SMAD6: variants seen among roughly 807,000 people sequenced by gnomAD.
SMAD6 encodes SMAD family member 6.
In SMAD6, 103 loss-of-function variants were observed where a neutral mutation model predicts 39.4. The ratio of observed to expected loss-of-function variants is 2.62; its 90% CI spans 2.23 to 3.08. The LOEUF (loss-of-function observed/expected upper bound fraction) is 3.08. SMAD6 is among the 30% of genes most tolerant of loss of function. The pLI is 0.00. For synonymous variants in SMAD6, 445 were observed against 353.3 expected (o/e 1.26, Z -2.91); for missense variants, 1,104 against 742.9 (o/e 1.49, Z -5.65).
At chr15:66,704,473 G>A (rs1019975792) in intron 1 of SMAD6, 1 of 171,316 alleles carries the variant, frequency 5.8e-6, no homozygotes, top group Non-Finnish European at 1.2e-5. Context: ...TCTAGCATTT[G>A]TATGCACGTG....
At chr15:66,778,864 C>T (rs1048010214) in intron 3 of SMAD6, among the ~76,000 whole-genome samples, 1 of 152,216 alleles carries the variant, frequency 6.6e-6, no homozygotes, top group Non-Finnish European at 1.5e-5. Context: ...AGAACGGGCC[C>T]AGCTCGTAGA....
chr15:66,763,009 CTTCT>C (rs1293696400), intron 3 of SMAD6, among the ~76,000 whole-genome samples: 1 of 120,014 alleles, frequency 8.3e-6, no homozygotes, highest in Non-Finnish European at 1.9e-5. Context: ...TTGGGATCCC[CTTCT>C]GAGGCTGCTT....
rs1245654025 is a variant in SMAD6, at chr15:66,781,039, G to T, written c.995G>T (p.Cys332Phe). ...SPDATKPSHW[C>F]SVAYWEHRTR... ...GACGCCACCAAGCCGAGCCACTGGT[G>T]CAGCGTGGCGTACTGGGAGCACCGG... Residue 332 changes from cysteine (C) to phenylalanine (F), a missense_variant, in exon 4 of 4, where the codon TGC becomes TTC. By Grantham distance (205) the Cys-to-Phe change is radical. Transcript: ENST00000288840. 6.3e-7 allele frequency: 1 copy of T among 1,599,880 alleles called. No homozygotes were observed. The highest frequency in any genetic ancestry group is 8.5e-7 in the Non-Finnish European group (1 of 1,177,652).
intron 2 of SMAD6, among the ~76,000 whole-genome samples, chr15:66,712,343 C>G (rs1893248144): frequency 6.6e-6 from 1 of 152,112 alleles, no homozygotes; most frequent in South Asian, 2.1e-4. Context: ...TTCTGTAAAA[C>G]CTTGAGCCTA....
chr15:66,716,483 C>T lies in SMAD6; in HGVS notation c.937C>T (p.Pro313Ser). Residue 313 changes from proline (P) to serine (S), a missense_variant, in exon 3 of 4, where the codon CCG becomes TCG. Transcript: ENST00000288840. ...TEATNSLITA[P>S]GEFSDASMSP... ...GGCTACCAACTCCCTCATCACTGCT[C>T]CGGGTGAATTCTCAGGTCAGCATTT... is the stretch of plus-strand genomic sequence containing the variant. 1 of 1,612,710 alleles carries T rather than the reference C, an allele frequency of 6.2e-7. No individual in the cohort carries two copies. The highest frequency in any genetic ancestry group is 1.1e-5 in the South Asian group (1 of 91,062).
intron 3 of SMAD6, chr15:66,717,682 G>C (rs1017595095): frequency 5.8e-6 from 2 of 343,168 alleles, no homozygotes; most frequent in Non-Finnish European, 1.2e-5. Flanking sequence ...ACAAGAGTAT[G>C]ACTGTTGCAG....
chr15:66,733,724 C>T (rs949383116), intron 3 of SMAD6, among the ~76,000 whole-genome samples: 7 of 152,116 alleles, frequency 4.6e-5, no homozygotes, highest in Non-Finnish European at 8.8e-5. Flanking sequence ...TTTATTTCTT[C>T]TGGATTCCCA....
rs965061234 is a variant in SMAD6 at position 66,703,481 on chromosome 15, CGAGGCGCCCAGGGCGCGGG to C, written c.232_250del (p.Gln78GlyfsTer41). On this transcript the variant is annotated frameshift_variant, in exon 1 of 4. Coordinates refer to ENST00000288840, the MANE Select transcript of SMAD6 (RefSeq NM_005585.5). LOFTEE classifies it high-confidence loss of function. ...GCGGCCCCGGGACGCAGTGGGACAG[CGAGGCGCCCAGGGCGCGGG>C]GAGGCGCCGGCGCGCAGGGGGCCCC... is the stretch of plus-strand genomic sequence containing the variant. The C allele has an allele frequency of 8.1e-6, 10 of 1,238,036 alleles. No homozygotes were observed. The highest frequency in any genetic ancestry group is 3.2e-5 in the East Asian group (1 of 30,992). The allele number at this position is 1,238,036 out of a possible 1,614,324, so 76.7% of individuals were successfully genotyped here. A position where few individuals can be genotyped will look rare whatever the true frequency, so the allele number is the denominator to read the frequency against.
intron 3 of SMAD6, among the ~76,000 whole-genome samples, chr15:66,764,624 C>T (rs1408910460): frequency 1.3e-5 from 2 of 152,166 alleles, no homozygotes; most frequent in African/African-American, 4.8e-5. Flanking sequence ...TCACAGTTGA[C>T]AGCTCGGTGG....
chr15:66,759,955 G>T (rs1894169417), intron 3 of SMAD6, among the ~76,000 whole-genome samples: 1 of 152,182 alleles, frequency 6.6e-6, no homozygotes, highest in Non-Finnish European at 1.5e-5. Context: ...GGCATGGTCT[G>T]GTCCCCAGGC....
chr15:66,715,726 A>G (rs1333213275), intron 2 of SMAD6, among the ~76,000 whole-genome samples: 3 of 152,060 alleles, frequency 2.0e-5, no homozygotes, highest in Non-Finnish European at 4.4e-5. Context: ...CAGACAGAAG[A>G]AAACCAATAA....
intron 3 of SMAD6, among the ~76,000 whole-genome samples, chr15:66,744,684 A>G (rs1053648780): frequency 1.3e-5 from 2 of 152,206 alleles, no homozygotes; most frequent in Non-Finnish European, 2.9e-5. Flanking sequence ...TACTTGGCCA[A>G]ATGAACAAAG....
chr15:66,765,027 T>A (rs1032519837), intron 3 of SMAD6, among the ~76,000 whole-genome samples: 1 of 152,158 alleles, frequency 6.6e-6, no homozygotes, highest in Non-Finnish European at 1.5e-5. Flanking sequence ...TCCTGAAAAC[T>A]TGACCCAGCA....
Position 66,703,832 on chromosome 15 carries a change from C to CTGGAGGCGG in SMAD6, c.580_588dup (p.Ala194_Glu196dup), listed in dbSNP as rs1486362774. On this transcript the variant is annotated inframe_insertion, in exon 1 of 4. Coordinates refer to ENST00000288840, the MANE Select transcript of SMAD6 (RefSeq NM_005585.5). ...CAAGGAGCGCTCGCTGGACACGCTG[C>CTGGAGGCGG]TGGAGGCGGTGGAGTCCCGCGGCGG... The CTGGAGGCGG allele has an allele frequency of 7.1e-7, 1 of 1,406,370 alleles. No individual in the cohort carries two copies. Among genetic ancestry groups the CTGGAGGCGG allele is most frequent in the Non-Finnish European group, 9.4e-7 (1 of 1,068,782 alleles). 87.1% of individuals were successfully genotyped at this position (1,406,370 alleles called of 1,614,324 possible). A position where few individuals can be genotyped will look rare whatever the true frequency, so the allele number is the denominator to read the frequency against.
Position 66,781,572 on chromosome 15 carries a change from G to C in SMAD6, c.*37G>C, listed in dbSNP as rs1178940752. 2 of 1,441,178 alleles carry C rather than the reference G, an allele frequency of 1.4e-6. No individual in the cohort carries two copies. The highest frequency in any genetic ancestry group is 2.9e-5 in the South Asian group (2 of 69,630). 89.3% of individuals were successfully genotyped at this position (1,441,178 alleles called of 1,614,324 possible). A position where few individuals can be genotyped will look rare whatever the true frequency, so the allele number is the denominator to read the frequency against. On this transcript the variant is annotated 3_prime_UTR_variant, in exon 4 of 4. Transcript: ENST00000288840. ...GCGGGAGGGGCGGGTGGGAGGCCGC[G>C]GCCACCGCCACCTGCCGGCCTCGAG...
intron 3 of SMAD6, among the ~76,000 whole-genome samples, chr15:66,750,519 T>C (rs1203231012): frequency 2.0e-5 from 3 of 152,172 alleles, no homozygotes; most frequent in African/African-American, 7.2e-5. Context: ...GTGCTTCCCA[T>C]CTTTTGAGGG....
chr15:66,703,282 G>T lies in SMAD6; in HGVS notation c.24G>T (p.Gly8=). ...GTATGTTCAGGTCCAAACGCTCGGG[G>T]CTGGTGCGGCGACTTTGGCGAAGTC... MFRSKRS[G]LVRRLWRSRV... The change falls in exon 1 of 4, where the codon GGG becomes GGT. Residue 8 remains glycine (G), a synonymous_variant. Transcript: ENST00000288840. 6.7e-7 allele frequency: 1 copy of T among 1,490,490 alleles called. No individual in the cohort carries two copies. 92.3% of individuals were successfully genotyped at this position (1,490,490 alleles called of 1,614,324 possible).
At chr15:66,719,032 A>G (rs1054988242) in intron 3 of SMAD6, among the ~76,000 whole-genome samples, 3 of 152,202 alleles carry the variant, frequency 2.0e-5, no homozygotes, top group African/African-American at 4.8e-5. Flanking sequence ...CACTCACTAC[A>G]TGTCAGGCAC....
intron 3 of SMAD6, among the ~76,000 whole-genome samples, chr15:66,749,815 T>C (rs1382228426): frequency 1.3e-5 from 2 of 152,204 alleles, no homozygotes. Context: ...CAAGGAGGAC[T>C]GACCCCAGGT....
Sources: allele counts gnomAD v4.1 joint callset (sites outside exome capture counted in the v4.1 genomes callset), GRCh38; gene constraint gnomAD v4.1.1; transcripts MANE v1.5; gene names NCBI Gene and HGNC (gene_info 2026-07-23, HGNC 2026-07-21).